The following ZNF804B variants were observed in gnomAD, a reference collection of about 807,000 sequenced individuals.
ZNF804B encodes zinc finger 804B.
In ZNF804B, 80 loss-of-function variants were observed where a neutral mutation model predicts 101.4. The observed-to-expected ratio is 0.79, with a 90% CI of 0.66 to 0.95. ZNF804B has a LOEUF of 0.95. Ranked by LOEUF, ZNF804B falls within the 40% of genes least tolerant of loss-of-function variation. ZNF804B has a pLI of 0.00. For missense variants in ZNF804B, 1,673 were observed against 1,561.9 expected, an observed-to-expected ratio of 1.07 and a Z score of -1.20; for synonymous variants, 622 against 558.8, an observed-to-expected ratio of 1.11 and a Z score of -1.59.
At chr7:89,102,988 G>T (rs1483567775) in intron 1 of ZNF804B, among the ~76,000 whole-genome samples, 1 of 142,254 alleles carries the variant, frequency 7.0e-6, no homozygotes, top group Non-Finnish European at 1.5e-5. Flanking sequence ...AAGATCAGTT[G>T]GTTATAGACA....
intron 1 of ZNF804B, among the ~76,000 whole-genome samples, chr7:88,984,091 G>A (rs985153246): frequency 6.6e-6 from 1 of 152,084 alleles, no homozygotes; most frequent in Non-Finnish European, 1.5e-5. Context: ...CAAGTAAGAT[G>A]CAAATATAGA....
chr7:89,242,997 G>C (rs1789392669), intron 2 of ZNF804B, among the ~76,000 whole-genome samples: 2 of 151,742 alleles, frequency 1.3e-5, no homozygotes, highest in African/African-American at 4.8e-5. Flanking sequence ...GTAGATTCTT[G>C]TTTTCTTTTT....
intron 1 of ZNF804B, among the ~76,000 whole-genome samples, chr7:89,152,213 A>G (rs1489488148): frequency 2.0e-5 from 3 of 151,508 alleles, no homozygotes; most frequent in African/African-American, 7.3e-5. Flanking sequence ...ATTTCATAGC[A>G]AATAGTCAAG....
intron 1 of ZNF804B, among the ~76,000 whole-genome samples, chr7:88,887,144 T>TA (rs1792139556): frequency 6.6e-6 from 1 of 152,168 alleles, no homozygotes; most frequent in African/African-American, 2.4e-5. Context: ...CTCTTCCCTG[T>TA]AATAGGCAGC....
In ZNF804B at chr7:89,220,011, ATG is replaced by A. The variant is rs1429877128; in HGVS notation, c.249+1722_249+1723del. Among the ~76,000 whole-genome samples the A allele has an allele frequency of 1.0e-4, 14 of 139,348 alleles. 3 individuals carry two copies. Among genetic ancestry groups the A allele is most frequent in the East Asian group, 6.4e-4 (3 of 4,656 alleles). 91.4% of individuals were successfully genotyped at this position (139,348 alleles called of 152,430 possible). A position where few individuals can be genotyped will look rare whatever the true frequency, so the allele number is the denominator to read the frequency against. On this transcript the variant is annotated intron_variant, in intron 2 of 3. Transcript: ENST00000333190. ...TGTGCATATATGTATATGCACATAT[ATG>A]TGTGTATACATATATATACGCACAT...
Position 88,977,981 on chromosome 7 carries a change from G to A in ZNF804B, c.108+217897G>A, listed in dbSNP as rs186597994. Among the ~76,000 whole-genome samples the A allele has an allele frequency of 1.5e-4, 23 of 151,124 alleles. 2 individuals are homozygous for A. The highest frequency in any genetic ancestry group is 3.1e-4 in the African/African-American group (13 of 41,280). Reference sequence around the variant, plus strand: ...TTAAAACTTTCTTTTTAATTTCTTCGTTGACTCAGTTGTCATTCAGGAACA... The same window carrying A: ...TTAAAACTTTCTTTTTAATTTCTTCATTGACTCAGTTGTCATTCAGGAACA... On this transcript the variant is annotated intron_variant, in intron 1 of 3. Transcript: ENST00000333190.
At chr7:88,846,957 C>T (rs1791382568) in intron 1 of ZNF804B, among the ~76,000 whole-genome samples, 2 of 150,138 alleles carry the variant, frequency 1.3e-5, no homozygotes, top group South Asian at 2.1e-4. Flanking sequence ...CACACACACA[C>T]TAACAATTAC....
chr7:88,921,182 C>CGGA (rs1554346337), intron 1 of ZNF804B, among the ~76,000 whole-genome samples: 1 of 151,846 alleles, frequency 6.6e-6, no homozygotes, highest in African/African-American at 2.4e-5. Context: ...GGACTTGAGA[C>CGGA]TGGTAGATGG....
At chr7:89,040,611 C>T (rs1562868159) in intron 1 of ZNF804B, among the ~76,000 whole-genome samples, 1 of 152,096 alleles carries the variant, frequency 6.6e-6, no homozygotes, top group Non-Finnish European at 1.5e-5. Context: ...GTTTGTAGAT[C>T]TTCATTTCTT....
intron 1 of ZNF804B, among the ~76,000 whole-genome samples, chr7:88,975,462 A>G (rs1340492550): frequency 6.6e-6 from 1 of 150,760 alleles, no homozygotes; most frequent in East Asian, 2.0e-4. Context: ...TCTTTTAGGA[A>G]AAAAAAAGTG....
At chr7:89,314,224 C>T (rs1236168024) in intron 2 of ZNF804B, among the ~76,000 whole-genome samples, 1 of 152,122 alleles carries the variant, frequency 6.6e-6, no homozygotes, top group East Asian at 1.9e-4. Context: ...GGATTAAACA[C>T]ATAAATTATT....
chr7:89,039,571 G>T (rs1788983449), intron 1 of ZNF804B, among the ~76,000 whole-genome samples: 2 of 150,850 alleles, frequency 1.3e-5, no homozygotes. Context: ...TATTCTCACA[G>T]TTTTTTTTGG....
At chr7:88,972,889 C>T (rs1793558411) in intron 1 of ZNF804B, among the ~76,000 whole-genome samples, 1 of 151,408 alleles carries the variant, frequency 6.6e-6, no homozygotes. Context: ...GAGTGACAGA[C>T]TTGCAGATTG....
intron 1 of ZNF804B, among the ~76,000 whole-genome samples, chr7:89,029,039 A>C (rs532404441): frequency 6.6e-6 from 1 of 152,214 alleles, no homozygotes; most frequent in African/African-American, 2.4e-5. Context: ...GAACCAGCAC[A>C]CATAAGTGCT....
chr7:89,075,399 G>T (rs995386189), intron 1 of ZNF804B, among the ~76,000 whole-genome samples: 1 of 152,150 alleles, frequency 6.6e-6, no homozygotes, highest in Non-Finnish European at 1.5e-5. Flanking sequence ...GACTAAAAGG[G>T]GCCCAGGTAC....
intron 1 of ZNF804B, among the ~76,000 whole-genome samples, chr7:88,919,772 A>G (rs1195481717): frequency 1.3e-5 from 2 of 152,218 alleles, no homozygotes; most frequent in East Asian, 3.9e-4. Flanking sequence ...TACTGTAATA[A>G]TTCTGATTAA....
chr7:88,817,389 T>TA (rs957985353), intron 1 of ZNF804B, among the ~76,000 whole-genome samples: 10 of 151,352 alleles, frequency 6.6e-5, no homozygotes, highest in South Asian at 4.2e-4. Flanking sequence ...ATAAAAAAAT[T>TA]AAAAAAAAAT....
At chr7:89,029,294 G>A (rs1179385506) in intron 1 of ZNF804B, among the ~76,000 whole-genome samples, 1 of 152,074 alleles carries the variant, frequency 6.6e-6, no homozygotes, top group Non-Finnish European at 1.5e-5. Context: ...ACTAGAAATG[G>A]GGTTTCACCA....
At position 89,087,496 on chromosome 7, in the gene ZNF804B, A is replaced by G. The variant is rs137956854; in HGVS notation, c.109-130659A>G. ...ACACATAAATACAACATCAAAATACACTAAGTAAATATTACAGTTATTTAA... is the reference window on the plus strand; with the variant it reads ...ACACATAAATACAACATCAAAATACGCTAAGTAAATATTACAGTTATTTAA... On this transcript the variant is annotated intron_variant, in intron 1 of 3. Coordinates refer to ENST00000333190, the MANE Select transcript of ZNF804B (RefSeq NM_181646.5). 2.6e-5 allele frequency among the ~76,000 whole-genome samples: 4 copies of G among 152,116 alleles called. No individual in the cohort carries two copies. The East Asian group carries it at 7.7e-4, about 29-fold the overall frequency.
Sources: gnomAD v4.1 joint callset for allele counts (sites outside exome capture counted in the v4.1 genomes callset) on GRCh38, gnomAD v4.1.1 for gene constraint, MANE v1.5 for transcripts, NCBI Gene and HGNC (gene_info 2026-07-23, HGNC 2026-07-21) for gene names.